Variants in SYK observed in about 807,000 individuals in gnomAD.
The protein encoded by SYK is spleen associated tyrosine kinase, also known as tyrosine-protein kinase SYK.
Under a neutral mutation model 77.8 loss-of-function variants are expected in SYK, and 16 were observed. The ratio of observed to expected loss-of-function variants is 0.21; its 90% confidence interval spans 0.14 to 0.31. SYK has a LOEUF of 0.31. SYK is among the 10% of genes least tolerant of loss of function. The pLI is 1.00. For missense variants in SYK, 529 were observed against 814.4 expected, an observed-to-expected ratio of 0.65 and a Z score of 4.26; for synonymous variants, 312 against 308.7, an observed-to-expected ratio of 1.01 and a Z score of -0.11.
chr9:90,856,777 T>A (rs1827053660), intron 3 of SYK, among the ~76,000 whole-genome samples: 1 of 152,052 alleles, frequency 6.6e-6, no homozygotes, highest in South Asian at 2.1e-4. Flanking sequence ...TTTCCCTCCC[T>A]ACCCCTTTTC....
chr9:90,842,715 T>C (rs1194543874), intron 1 of SYK, among the ~76,000 whole-genome samples: 2 of 150,950 alleles, frequency 1.3e-5, no homozygotes, highest in Non-Finnish European at 3.0e-5. Context: ...CATGTGTTCA[T>C]AGTGTGTGTG....
intron 1 of SYK, among the ~76,000 whole-genome samples, chr9:90,814,843 C>G (rs959579362): frequency 1.4e-4 from 8 of 57,100 alleles, no homozygotes; most frequent in African/African-American, 3.8e-4. Context: ...TGCACACACA[C>G]ACACACACAC....
At chr9:90,814,832 G>A (rs1212990774) in intron 1 of SYK, among the ~76,000 whole-genome samples, 2 of 84,078 alleles carry the variant, frequency 2.4e-5, no homozygotes, top group African/African-American at 4.3e-5. Context: ...CACAACACAC[G>A]TGCACACACA....
chr9:90,816,210 A>T (rs191866286), intron 1 of SYK, among the ~76,000 whole-genome samples: 3 of 152,272 alleles, frequency 2.0e-5, no homozygotes, highest in Non-Finnish European at 1.5e-5. Flanking sequence ...TGGGCTGGGC[A>T]TTGGCAGTTT....
chr9:90,819,877 C>T (rs7870539), intron 1 of SYK, among the ~76,000 whole-genome samples: 1 of 152,208 alleles, frequency 6.6e-6, no homozygotes, highest in African/African-American at 2.4e-5. Context: ...TCCCTTCCAT[C>T]TCTGAGCCTG....
chr9:90,887,929 T>C (rs1828642316), intron 12 of SYK, 40 bp downstream of exon 12: 1 of 1,527,336 alleles, frequency 6.5e-7, no homozygotes, highest in African/African-American at 1.4e-5. Flanking sequence ...GTGGGGCCAT[T>C]AGAACAGATA....
rs200201593 is a variant in SYK, at chr9:90,845,603, C to A, written c.578+9C>A. ...ACAAATGGAAAGTTCCTGTGAGTAT[C>A]GTGCCTTCCCCCTCACCTCCTGCCA... On this transcript the variant is annotated intron_variant, in intron 3 of 13. Coordinates refer to ENST00000375754, the MANE Select transcript of SYK (RefSeq NM_003177.7). 3 of 1,612,464 alleles carry A rather than the reference C, an allele frequency of 1.9e-6. No individual in the cohort carries two copies. Among genetic ancestry groups the A allele is most frequent in the Non-Finnish European group, 2.5e-6 (3 of 1,179,020 alleles).
chr9:90,844,032 G>T lies in SYK; in HGVS notation c.134G>T (p.Arg45Leu), dbSNP rs16906862. Reference sequence around the variant, plus strand: ...GGGCTTTATTTGCTGCGCCAGAGCCGCAACTACCTGGGTGGCTTCGCCCTG... The same window carrying T: ...GGGCTTTATTTGCTGCGCCAGAGCCTCAACTACCTGGGTGGCTTCGCCCTG... ...SDGLYLLRQSRNYLGGFALSV... is the reference protein window; with the variant it reads ...SDGLYLLRQSLNYLGGFALSV... Residue 45 changes from arginine to leucine, a missense_variant, in exon 2 of 14, where the codon CGC becomes CTC. Physicochemically the swap from Arg to Leu is moderately radical, Grantham distance 102. Transcript: ENST00000375754. 6.2e-7 allele frequency: 1 copy of T among 1,612,202 alleles called. No individual in the cohort carries two copies. Among genetic ancestry groups the T allele is most frequent in the South Asian group, 1.1e-5 (1 of 90,710 alleles).
intron 6 of SYK, among the ~76,000 whole-genome samples, chr9:90,866,706 C>T (rs1258618004): frequency 3.9e-5 from 6 of 152,148 alleles, no homozygotes; most frequent in African/African-American, 9.7e-5. Flanking sequence ...AAAAGGCATA[C>T]GCCCTATGTG....
intron 11 of SYK, among the ~76,000 whole-genome samples, chr9:90,882,672 A>G (rs898414221): frequency 6.6e-6 from 1 of 152,244 alleles, no homozygotes; most frequent in Admixed American, 6.5e-5. Flanking sequence ...GGACGACTAA[A>G]TGCAACTAGT....
chr9:90,858,321 G>A (rs1000445010), intron 3 of SYK, among the ~76,000 whole-genome samples: 4 of 152,240 alleles, frequency 2.6e-5, no homozygotes, highest in African/African-American at 9.6e-5. Context: ...AGACCAGTTA[G>A]GACAGCTTCT....
chr9:90,846,644 G>A (rs116807348), intron 3 of SYK, among the ~76,000 whole-genome samples: 3,969 of 149,562 alleles, frequency 0.027, 181 homozygotes, highest in African/African-American at 0.092. Flanking sequence ...GCAACATAGT[G>A]AGGCCCTGTC....
At chr9:90,803,505 C>G (rs576134083) in intron 1 of SYK, among the ~76,000 whole-genome samples, 12 of 152,102 alleles carry the variant, frequency 7.9e-5, no homozygotes, top group Admixed American at 7.8e-4. Flanking sequence ...AGGTCTTTAT[C>G]TTTCCTGAGA....
chr9:90,814,253 G>T (rs1295990788), intron 1 of SYK, among the ~76,000 whole-genome samples: 6 of 152,150 alleles, frequency 3.9e-5, no homozygotes, highest in African/African-American at 1.4e-4. Flanking sequence ...CACAGACTCT[G>T]GTCCTGGCGG....
intron 1 of SYK, among the ~76,000 whole-genome samples, chr9:90,806,609 C>G (rs866497470): frequency 3.0e-4 from 45 of 152,262 alleles, no homozygotes; most frequent in African/African-American, 1.1e-3. Flanking sequence ...ACATCTGTGG[C>G]ATTAATATGC....
At position 90,808,436 on chromosome 9, in the gene SYK, G is replaced by A. The variant is rs556165705; in HGVS notation, c.-42+6543G>A. On this transcript the variant is annotated intron_variant, in intron 1 of 13. Transcript: ENST00000375754. Reference sequence around the variant, plus strand: ...CTCCTGCTGTCAGCTTTCCTGATGTGCTGGGTATTTCCACGTGTGTGTTGG... The same window carrying A: ...CTCCTGCTGTCAGCTTTCCTGATGTACTGGGTATTTCCACGTGTGTGTTGG... Among the ~76,000 whole-genome samples the A allele has an allele frequency of 1.2e-4, 18 of 150,056 alleles. No homozygotes were observed. The South Asian group carries it at 2.7e-3, about 23-fold the overall frequency.
At chr9:90,812,214 A>T (rs2118314649) in intron 1 of SYK, among the ~76,000 whole-genome samples, 1 of 152,294 alleles carries the variant, frequency 6.6e-6, no homozygotes, top group Non-Finnish European at 1.5e-5. Flanking sequence ...ATTTACAACG[A>T]TCAGGAGTGT....
At chr9:90,864,932 G>A (rs375800653) in intron 5 of SYK, 116 bp from the exon 6 acceptor site, 31 of 1,031,086 alleles carry the variant, frequency 3.0e-5, no homozygotes, top group East Asian at 2.6e-4. Context: ...TGCAGAAAGC[G>A]TGCTCACTTC....
intron 10 of SYK, among the ~76,000 whole-genome samples, chr9:90,878,395 G>A (rs186630322): frequency 4.2e-3 from 640 of 152,316 alleles, no homozygotes; most frequent in Middle Eastern, 0.014. Flanking sequence ...TGGAAGGGAG[G>A]TGTTCTTACC....
Sources: gnomAD v4.1 joint callset for allele counts (sites outside exome capture counted in the v4.1 genomes callset) on GRCh38, gnomAD v4.1.1 for gene constraint, MANE v1.5 for transcripts, NCBI Gene and HGNC (gene_info 2026-07-23, HGNC 2026-07-21) for gene names.